Variants in AGBL1 observed in about 807,000 individuals in gnomAD.
AGBL1 encodes the protein AGBL carboxypeptidase 1.
Under a neutral mutation model 118.9 loss-of-function variants are expected in AGBL1, and 130 were observed. That is an observed-to-expected ratio of 1.09 (90% confidence interval 0.95 to 1.26). The LOEUF (loss-of-function observed/expected upper bound fraction) is 1.26, where lower values mean the gene tolerates loss of function less well. Ranked by LOEUF, AGBL1 falls within the 50% of genes most tolerant of loss-of-function variation. AGBL1 has a pLI of 0.00. For synonymous variants in AGBL1, 555 were observed against 478.9 expected (o/e 1.16, Z -2.08); for missense variants, 1,584 against 1,298.1 (o/e 1.22, Z -3.38).
intron 22 of AGBL1, among the ~76,000 whole-genome samples, chr15:86,793,845 A>G (rs1239894719): frequency 2.0e-5 from 3 of 152,226 alleles, no homozygotes; most frequent in Non-Finnish European, 4.4e-5. Flanking sequence ...AAGTATATGA[A>G]AAGATGTTCA....
chr15:86,720,013 G>C (rs2086693410), intron 22 of AGBL1, among the ~76,000 whole-genome samples: 1 of 152,164 alleles, frequency 6.6e-6, no homozygotes, highest in Admixed American at 6.5e-5. Flanking sequence ...TTCAGGGGTT[G>C]ACTCTGATTT....
At chr15:86,734,445 G>A (rs912465207) in intron 22 of AGBL1, among the ~76,000 whole-genome samples, 2 of 152,174 alleles carry the variant, frequency 1.3e-5, no homozygotes, top group Non-Finnish European at 1.5e-5. Context: ...ACTAAGAACT[G>A]TTATATGAAG....
At chr15:86,202,254 C>G (rs1288277507) in intron 5 of AGBL1, among the ~76,000 whole-genome samples, 1 of 152,280 alleles carries the variant, frequency 6.6e-6, no homozygotes, top group Admixed American at 6.5e-5. Flanking sequence ...GACTGTGCCA[C>G]TACACTTCAG....
At chr15:86,745,139 T>C (rs546404311) in intron 22 of AGBL1, among the ~76,000 whole-genome samples, 3 of 152,204 alleles carry the variant, frequency 2.0e-5, no homozygotes, top group South Asian at 2.1e-4. Context: ...GGAGAGAGTA[T>C]GTTTAATTCA....
At chr15:86,227,516 G>A (rs1014996497) in intron 6 of AGBL1, among the ~76,000 whole-genome samples, 4 of 152,218 alleles carry the variant, frequency 2.6e-5, no homozygotes, top group Admixed American at 2.0e-4. Flanking sequence ...CCCACCAGAC[G>A]CCAGTATCAT....
intron 21 of AGBL1, among the ~76,000 whole-genome samples, chr15:86,633,160 G>C (rs2085005156): frequency 6.6e-6 from 1 of 152,146 alleles, no homozygotes; most frequent in Non-Finnish European, 1.5e-5. Context: ...TAGATTATCT[G>C]ACTACCATTT....
At chr15:86,903,697 GTCTAGGT>G (rs1011619296) in intron 22 of AGBL1, among the ~76,000 whole-genome samples, 3 of 152,306 alleles carry the variant, frequency 2.0e-5, no homozygotes, top group Non-Finnish European at 4.4e-5. Flanking sequence ...TTGGGTGGAA[GTCTAGGT>G]TCCCCACTAG....
At chr15:86,291,194 A>G (rs917758829) in intron 16 of AGBL1, among the ~76,000 whole-genome samples, 1 of 152,240 alleles carries the variant, frequency 6.6e-6, no homozygotes, top group African/African-American at 2.4e-5. Context: ...CATACATGCT[A>G]CATTTGCTCA....
At chr15:86,469,984 G>A (rs973981324) in intron 18 of AGBL1, among the ~76,000 whole-genome samples, 5 of 152,156 alleles carry the variant, frequency 3.3e-5, no homozygotes, top group African/African-American at 1.2e-4. Context: ...GCCCCTTACA[G>A]ATGTATGGTA....
At chr15:86,559,614 C>T (rs577929357) in intron 21 of AGBL1, among the ~76,000 whole-genome samples, 1 of 151,988 alleles carries the variant, frequency 6.6e-6, no homozygotes, top group East Asian at 1.9e-4. Flanking sequence ...TGTGCTAAGC[C>T]CTTTACATAT....
intron 17 of AGBL1, among the ~76,000 whole-genome samples, chr15:86,352,750 T>C (rs2080648059): frequency 6.6e-6 from 1 of 152,148 alleles, no homozygotes. Flanking sequence ...CCTCCCAAAG[T>C]GCTGGGATTA....
chr15:86,721,312 G>A (rs2086716375), intron 22 of AGBL1, among the ~76,000 whole-genome samples: 1 of 152,030 alleles, frequency 6.6e-6, no homozygotes. Flanking sequence ...TGATCAAGTG[G>A]GCTTCATCCC....
At chr15:86,361,221 G>T (rs1248261270) in intron 17 of AGBL1, among the ~76,000 whole-genome samples, 6 of 151,844 alleles carry the variant, frequency 4.0e-5, no homozygotes, top group Admixed American at 1.3e-4. Flanking sequence ...CCCAAAGGTT[G>T]TTAGAGTATG....
chr15:86,423,481 C>A (rs529215667), intron 18 of AGBL1, among the ~76,000 whole-genome samples: 23 of 151,588 alleles, frequency 1.5e-4, no homozygotes, highest in African/African-American at 4.6e-4. Flanking sequence ...CAGCACTAGA[C>A]AAGGATGTCC....
At chr15:86,407,023 T>A (rs2081539123) in intron 18 of AGBL1, among the ~76,000 whole-genome samples, 1 of 152,188 alleles carries the variant, frequency 6.6e-6, no homozygotes, top group African/African-American at 2.4e-5. Flanking sequence ...CAGATTACCC[T>A]CCTTAGAAAA....
intron 1 of AGBL1, among the ~76,000 whole-genome samples, chr15:86,110,744 G>A (rs924248794): frequency 2.6e-5 from 4 of 152,184 alleles, no homozygotes; most frequent in Admixed American, 2.0e-4. Context: ...ATTAGGGGAT[G>A]TGTAATGTTC....
At chr15:86,529,301 C>G (rs1370275556) in intron 19 of AGBL1, among the ~76,000 whole-genome samples, 3 of 134,294 alleles carry the variant, frequency 2.2e-5, no homozygotes, top group Non-Finnish European at 4.5e-5. Flanking sequence ...TCGAGAACTA[C>G]GTGAAGAATG....
At chr15:86,423,826 G>T (rs773288618) in intron 18 of AGBL1, among the ~76,000 whole-genome samples, 1 of 152,194 alleles carries the variant, frequency 6.6e-6, no homozygotes, top group East Asian at 1.9e-4. Flanking sequence ...AACTTACAAG[G>T]GATGTGAAGG....
At chr15:86,532,645 A>G (rs2083366840) in intron 19 of AGBL1, among the ~76,000 whole-genome samples, 1 of 150,612 alleles carries the variant, frequency 6.6e-6, no homozygotes, top group African/African-American at 2.4e-5. Flanking sequence ...AAGAGCCCGC[A>G]TCGCCAAGTC....
Sources: allele counts gnomAD v4.1 joint callset (sites outside exome capture counted in the v4.1 genomes callset), GRCh38; gene constraint gnomAD v4.1.1; transcripts MANE v1.5; gene names NCBI Gene and HGNC (gene_info 2026-07-23, HGNC 2026-07-21).